SHMT1: variants seen among roughly 807,000 people sequenced by gnomAD.
SHMT1 encodes the protein serine hydroxymethyltransferase 1.
A neutral mutation model predicts 49.0 loss-of-function variants in SHMT1; 45 were observed. That is an observed-to-expected ratio of 0.92 (90% CI 0.72 to 1.18). The LOEUF (loss-of-function observed/expected upper bound fraction) is 1.18, where lower values mean the gene tolerates loss of function less well. Among genes scored for constraint, SHMT1 ranks in the 50% most tolerant of loss-of-function variants. The pLI is 0.00. For missense variants in SHMT1, 541 were observed against 612.4 expected (o/e 0.88, Z 1.23); for synonymous variants, 232 against 246.6 (o/e 0.94, Z 0.55).
In SHMT1 at chr17:18,340,365, C is replaced by T; in HGVS notation, c.602-110G>A. 8.3e-7 allele frequency: 1 copy of T among 1,202,550 alleles called. No homozygotes were observed. The highest frequency in any genetic ancestry group is 1.2e-6 in the Non-Finnish European group (1 of 832,150). The allele number at this position is 1,202,550 out of a possible 1,614,324, so 74.5% of individuals were successfully genotyped here. A position where few individuals can be genotyped will look rare whatever the true frequency, so the allele number is the denominator to read the frequency against. On this transcript the variant is annotated intron_variant, in intron 6 of 11. Transcript: ENST00000316694. This position sits in a 1 kb window ranked among gnomAD's most constrained non-coding sequence, Gnocchi z 4.5. ...ATCTGAAAGCCCAGAGATTTCTTCC[C>T]TTAAAGTCTCAGAGCAAAAATGGAG... is the stretch of plus-strand genomic sequence containing the variant.
At chr17:18,343,712 G>A (rs1200342324) in intron 5 of SHMT1, among the ~76,000 whole-genome samples, 1 of 151,156 alleles carries the variant, frequency 6.6e-6, no homozygotes. Context: ...TTGAGCCCAG[G>A]AGTTCAAGAC....
chr17:18,340,685 G>A lies in SHMT1; in HGVS notation c.601+47C>T, dbSNP rs756760182. On this transcript the variant is annotated intron_variant, in intron 6 of 11. Transcript: ENST00000316694. The surrounding 1 kb of genome is among the most constrained non-coding windows in gnomAD (Gnocchi z 4.5). Reference sequence around the variant, plus strand: ...TCTTTCCATCCTCATTCTGTAAGAGGCACCAGGCTACTGGTGAACAAGGTG... The same window carrying A: ...TCTTTCCATCCTCATTCTGTAAGAGACACCAGGCTACTGGTGAACAAGGTG... 1.4e-5 allele frequency: 20 copies of A among 1,472,546 alleles called. No individual in the cohort carries two copies. Among genetic ancestry groups the A allele is most frequent in the Non-Finnish European group, 1.9e-5 (20 of 1,063,844 alleles). 91.2% of individuals were successfully genotyped at this position (1,472,546 alleles called of 1,614,324 possible).
chr17:18,345,528 A>G (rs1984997903), intron 5 of SHMT1, among the ~76,000 whole-genome samples: 1 of 151,646 alleles, frequency 6.6e-6, no homozygotes, highest in Non-Finnish European at 1.5e-5. Context: ...AAGTGCTGGG[A>G]TTACAGGAGT....
intron 9 of SHMT1, chr17:18,330,913 A>G (rs1598012383): frequency 3.8e-6 from 2 of 529,820 alleles, no homozygotes; most frequent in Non-Finnish European, 3.5e-6. Flanking sequence ...TGACACTCCC[A>G]TGGGGAAGGG....
rs372792148 is a variant in SHMT1, at chr17:18,348,576, G to A, written c.243-136C>T. On this transcript the variant is annotated intron_variant, in intron 3 of 11. Coordinates refer to ENST00000316694, the MANE Select transcript of SHMT1 (RefSeq NM_004169.5). ...AATGAGAAGAGCTTGTTAACATGCA[G>A]ATGCTGAAGCCAGCATGATCAAGTG... 4.5e-4 allele frequency: 343 copies of A among 759,938 alleles called. 1 individual carries two copies. Among genetic ancestry groups the A allele is most frequent in the Non-Finnish European group, 6.2e-4 (258 of 414,964 alleles). The allele number at this position is 759,938 out of a possible 1,614,324, so 47.1% of individuals were successfully genotyped here. A position where few individuals can be genotyped will look rare whatever the true frequency, so the allele number is the denominator to read the frequency against.
rs186076570 is a variant in SHMT1 at position 18,328,456 on chromosome 17, G to T, written c.*294C>A. ...CTTTGCCCTACACCACCATCTAAAT[G>T]ATTATGACCAAGTGGCGACATAGTA... On this transcript the variant is annotated 3_prime_UTR_variant, in exon 12 of 12. Coordinates refer to ENST00000316694, the MANE Select transcript of SHMT1 (RefSeq NM_004169.5). 4.6e-6 allele frequency: 2 copies of T among 431,636 alleles called. No homozygotes were observed. The highest frequency in any genetic ancestry group is 4.8e-5 in the East Asian group (1 of 20,836). The allele number at this position is 431,636 out of a possible 1,614,324, so 26.7% of individuals were successfully genotyped here.
At chr17:18,360,325 G>C (rs931165867) in intron 1 of SHMT1, 1 of 152,074 alleles carries the variant, frequency 6.6e-6, no homozygotes, top group Non-Finnish European at 1.5e-5. Flanking sequence ...GAGAGGCTGA[G>C]ACGAGAAGAT....
At chr17:18,358,558 A>C (rs1468342449) in intron 1 of SHMT1, among the ~76,000 whole-genome samples, 1 of 152,050 alleles carries the variant, frequency 6.6e-6, no homozygotes, top group African/African-American at 2.4e-5. Flanking sequence ...CGAAACCCCA[A>C]AGCACATGCT....
intron 7 of SHMT1, among the ~76,000 whole-genome samples, chr17:18,338,914 G>C (rs1355719192): frequency 1.3e-5 from 2 of 152,028 alleles, no homozygotes; most frequent in African/African-American, 4.8e-5. Flanking sequence ...ACTGCGGAAA[G>C]CCGCAGGGTC....
intron 3 of SHMT1, among the ~76,000 whole-genome samples, chr17:18,352,147 C>CTTTT (rs1306144197): frequency 9.1e-5 from 7 of 76,580 alleles, no homozygotes; most frequent in African/African-American, 3.1e-4. Flanking sequence ...ACTCAGTCCC[C>CTTTT]TTCTTTTTTT....
chr17:18,356,047 T>G, intron 1 of SHMT1, 47 bp from the exon 2 acceptor site: 1 of 854,744 alleles, frequency 1.2e-6, no homozygotes, highest in South Asian at 1.7e-5. Context: ...TTAAATTTAT[T>G]TATTTTATTT....
Position 18,340,617 on chromosome 17 carries a change from A to G in SHMT1, c.601+115T>C. 1.1e-6 allele frequency: 1 copy of G among 905,404 alleles called. No individual in the cohort carries two copies. Among genetic ancestry groups the G allele is most frequent in the African/African-American group, 1.6e-5 (1 of 60,946 alleles). The allele number at this position is 905,404 out of a possible 1,614,324, so 56.1% of individuals were successfully genotyped here. On this transcript the variant is annotated intron_variant, in intron 6 of 11. Transcript: ENST00000316694. The surrounding 1 kb of genome is among the most constrained non-coding windows in gnomAD (Gnocchi z 4.5). ...ATATGTAGACCCCAGAAACTCAGTT[A>G]TCCAGGGCAGAAACTAGCAGTGGGC... is the stretch of plus-strand genomic sequence containing the variant.
At position 18,340,666 on chromosome 17, in the gene SHMT1, C is replaced by T; in HGVS notation, c.601+66G>A. 2 of 1,418,028 alleles carry T rather than the reference C, an allele frequency of 1.4e-6. No homozygotes were observed. Among genetic ancestry groups the T allele is most frequent in the Non-Finnish European group, 2.0e-6 (2 of 1,020,766 alleles). 87.8% of individuals were successfully genotyped at this position (1,418,028 alleles called of 1,614,324 possible). On this transcript the variant is annotated intron_variant, in intron 6 of 11. Coordinates refer to ENST00000316694, the MANE Select transcript of SHMT1 (RefSeq NM_004169.5). This position sits in a 1 kb window ranked among gnomAD's most constrained non-coding sequence, Gnocchi z 4.5. Reference sequence around the variant, plus strand: ...GCTCAACAGGGTGCGAACATCTTTCCATCCTCATTCTGTAAGAGGCACCAG... The same window carrying T: ...GCTCAACAGGGTGCGAACATCTTTCTATCCTCATTCTGTAAGAGGCACCAG...
intron 5 of SHMT1, among the ~76,000 whole-genome samples, chr17:18,344,576 GGAAA>G (rs1487122525): frequency 3.0e-4 from 8 of 26,380 alleles, no homozygotes; most frequent in African/African-American, 1.4e-3. Flanking sequence ...CACAATTACC[GGAAA>G]AAAAAAAAAA....
intron 5 of SHMT1, among the ~76,000 whole-genome samples, chr17:18,342,988 C>T (rs954917721): frequency 4.6e-5 from 7 of 151,808 alleles, no homozygotes; most frequent in Admixed American, 2.6e-4. Flanking sequence ...AACAATCAAA[C>T]TCACAGAAGC....
rs531960290 is a variant in SHMT1 at position 18,346,162 on chromosome 17, A to G, written c.519+1334T>C. On this transcript the variant is annotated intron_variant, in intron 5 of 11. Transcript: ENST00000316694. The stretch of plus-strand genomic sequence containing the variant: ...ACAAAGGCTGAGTACACACAGAACC[A>G]TGGACAGCATGCACCCAAGACCATG... Among the ~76,000 whole-genome samples the G allele has an allele frequency of 4.6e-5, 7 of 152,282 alleles. No homozygotes were observed. The East Asian group carries it at 1.4e-3, about 29-fold the overall frequency.
chr17:18,352,315 T>G (rs977005923), intron 3 of SHMT1, among the ~76,000 whole-genome samples: 1 of 151,898 alleles, frequency 6.6e-6, no homozygotes, highest in Middle Eastern at 3.2e-3. Flanking sequence ...CCAGGCTAAT[T>G]TTTTGTATTT....
chr17:18,330,462 G>C (rs145051780), intron 10 of SHMT1, 93 bp downstream of exon 10: 60 of 958,562 alleles, frequency 6.3e-5, no homozygotes, highest in Non-Finnish European at 9.2e-5. Context: ...TGTGAGGTCT[G>C]TCCCCGGAGC....
At chr17:18,352,347 C>T (rs926122692) in intron 3 of SHMT1, among the ~76,000 whole-genome samples, 4 of 151,944 alleles carry the variant, frequency 2.6e-5, no homozygotes, top group Admixed American at 2.0e-4. Flanking sequence ...GGGGTTTCAC[C>T]GTGTTAGCCA....
Sources: allele counts gnomAD v4.1 joint callset (sites outside exome capture counted in the v4.1 genomes callset), GRCh38; gene constraint gnomAD v4.1.1; non-coding constraint Gnocchi (gnomAD v3.1); transcripts MANE v1.5; gene names NCBI Gene and HGNC (gene_info 2026-07-23, HGNC 2026-07-21).